The following NAV2 variants were observed in gnomAD, a reference collection of about 807,000 sequenced individuals.
NAV2 encodes helicase, APC down-regulated 1.
In NAV2, 54 loss-of-function variants were observed where a neutral mutation model predicts 223.2. The ratio of observed to expected loss-of-function variants is 0.24; its 90% CI spans 0.19 to 0.30. The LOEUF is 0.30. Ranked by LOEUF, NAV2 falls within the 10% of genes least tolerant of loss-of-function variation. The probability of loss-of-function intolerance (pLI) is 1.00; values close to 1 mark genes in which losing one functional copy is unlikely to be tolerated. For synonymous variants in NAV2, 1,279 were observed against 1,239.3 expected, an observed-to-expected ratio of 1.03 and a Z score of -0.67; for missense variants, 2,806 against 3,147.5, an observed-to-expected ratio of 0.89 and a Z score of 2.60.
At chr11:19,754,501 G>A (rs11608055) in intron 1 of NAV2, among the ~76,000 whole-genome samples, 2 of 152,202 alleles carry the variant, frequency 1.3e-5, no homozygotes, top group East Asian at 3.8e-4. Flanking sequence ...GCATGGTCAG[G>A]AAGGTGAGGG....
intron 1 of NAV2, among the ~76,000 whole-genome samples, chr11:19,521,327 C>A (rs1176477258): frequency 6.6e-6 from 1 of 152,148 alleles, no homozygotes; most frequent in Non-Finnish European, 1.5e-5. Flanking sequence ...AGAGGCCAGT[C>A]CCCAAGTCCT....
chr11:20,095,788 G>A, intron 30 of NAV2, 21 bp downstream of exon 30: 5 of 1,573,906 alleles, frequency 3.2e-6, no homozygotes, highest in South Asian at 1.1e-5. Flanking sequence ...CAAGACAACG[G>A]CTACAGCATA....
At chr11:19,691,224 T>A (rs2049165165) in intron 1 of NAV2, among the ~76,000 whole-genome samples, 2 of 150,678 alleles carry the variant, frequency 1.3e-5, no homozygotes, top group South Asian at 4.3e-4. Context: ...ATGTATGTAG[T>A]TTTCAATGTT....
At chr11:19,461,122 C>T (rs1453873542) in intron 1 of NAV2, among the ~76,000 whole-genome samples, 12 of 152,162 alleles carry the variant, frequency 7.9e-5, no homozygotes, top group Non-Finnish European at 1.8e-4. Flanking sequence ...ATCTGGTCCC[C>T]TTAGTGGAGA....
At chr11:19,926,299 C>G (rs2044744534) in intron 6 of NAV2, among the ~76,000 whole-genome samples, 4 of 152,204 alleles carry the variant, frequency 2.6e-5, no homozygotes, top group South Asian at 2.1e-4. Context: ...GCCCAGCTCG[C>G]TCTCCCTCCA....
intron 9 of NAV2, among the ~76,000 whole-genome samples, chr11:19,948,443 T>C (rs2047111428): frequency 6.6e-6 from 1 of 152,102 alleles, no homozygotes; most frequent in Non-Finnish European, 1.5e-5. Flanking sequence ...TTAATTAAAG[T>C]AATTCGTTTC....
intron 11 of NAV2, among the ~76,000 whole-genome samples, chr11:20,021,441 T>G (rs923643655): frequency 3.9e-5 from 6 of 152,226 alleles, no homozygotes; most frequent in Non-Finnish European, 7.3e-5. Context: ...AGAGCGTGTG[T>G]GTGCATCTGT....
intron 10 of NAV2, among the ~76,000 whole-genome samples, chr11:19,979,400 T>C (rs1375109865): frequency 6.6e-6 from 1 of 152,164 alleles, no homozygotes; most frequent in Admixed American, 6.5e-5. Context: ...GCCCAGTTCC[T>C]AGCTGTGATC....
At chr11:20,046,213 GT>G (rs35544733) in intron 14 of NAV2, among the ~76,000 whole-genome samples, 60,602 of 151,706 alleles carry the variant, frequency 0.4, 12,684 homozygotes, top group Non-Finnish European at 0.48. Context: ...GTATGCACCT[GT>G]AGTCCCAGCT....
At position 20,045,206 on chromosome 11, in the gene NAV2, A is replaced by G. The variant is rs775811527; in HGVS notation, c.3438A>G (p.Ser1146=). 2 of 1,614,170 alleles carry G rather than the reference A, an allele frequency of 1.2e-6. No homozygotes were observed. The highest frequency in any genetic ancestry group is 1.1e-5 in the South Asian group (1 of 91,078). ...GCGGGGTGACTGTCACCAGCAGGTC[A>G]GCCACACTGGGCAAAATCCCAAAGT... ...TASGVTVTSR[S]ATLGKIPKSS... The change falls in exon 14 of 38, where the codon TCA becomes TCG. Residue 1146 remains serine, a synonymous_variant. Coordinates refer to ENST00000349880, the MANE Select transcript of NAV2 (RefSeq NM_145117.5).
chr11:20,093,850 G>C (rs780783986), intron 29 of NAV2, among the ~76,000 whole-genome samples: 3 of 152,140 alleles, frequency 2.0e-5, no homozygotes, highest in Non-Finnish European at 4.4e-5. Flanking sequence ...TTGAATTTTA[G>C]CCAGTGATTA....
At chr11:19,938,275 G>A (rs1287400145) in intron 7 of NAV2, among the ~76,000 whole-genome samples, 3 of 152,268 alleles carry the variant, frequency 2.0e-5, no homozygotes, top group East Asian at 1.9e-4. Context: ...ATGAAAGATC[G>A]TGTGGGGAGT....
intron 1 of NAV2, among the ~76,000 whole-genome samples, chr11:19,736,080 G>T (rs1007693422): frequency 1.6e-4 from 24 of 152,194 alleles, no homozygotes; most frequent in African/African-American, 5.8e-4. Context: ...AGTGAGGTCC[G>T]TGGAGGGTTG....
At chr11:19,796,176 T>A (rs1021500116) in intron 1 of NAV2, among the ~76,000 whole-genome samples, 4 of 152,190 alleles carry the variant, frequency 2.6e-5, no homozygotes, top group Non-Finnish European at 4.4e-5. Context: ...ATACAGGGAA[T>A]TGGATACTTA....
At chr11:19,409,969 C>T (rs899096735) in intron 1 of NAV2, among the ~76,000 whole-genome samples, 17 of 152,112 alleles carry the variant, frequency 1.1e-4, no homozygotes, top group African/African-American at 3.4e-4. Context: ...TGGCCCAACT[C>T]GGGGCTAGGA....
chr11:19,874,366 A>G (rs1446060794), intron 4 of NAV2, among the ~76,000 whole-genome samples: 1 of 152,222 alleles, frequency 6.6e-6, no homozygotes, highest in East Asian at 1.9e-4. Context: ...ACAGGGCTCC[A>G]GGTTGGGTTT....
At chr11:19,969,877 C>T (rs1418432983) in intron 10 of NAV2, among the ~76,000 whole-genome samples, 5 of 151,226 alleles carry the variant, frequency 3.3e-5, no homozygotes, top group African/African-American at 4.9e-5. Context: ...ACCCGGGAGG[C>T]GGAGCTTGCA....
chr11:19,377,425 T>G (rs1365294236), intron 1 of NAV2, among the ~76,000 whole-genome samples: 3 of 152,158 alleles, frequency 2.0e-5, no homozygotes, highest in South Asian at 2.1e-4. Flanking sequence ...CCCAGGCAGA[T>G]TCAGGGGTCC....
chr11:20,038,563 C>T (rs1436404534), intron 12 of NAV2, among the ~76,000 whole-genome samples: 1 of 152,192 alleles, frequency 6.6e-6, no homozygotes, highest in Non-Finnish European at 1.5e-5. Context: ...CCTCATATCA[C>T]GCTGAGGAAT....
Sources: gnomAD v4.1 joint callset for allele counts (sites outside exome capture counted in the v4.1 genomes callset) on GRCh38, gnomAD v4.1.1 for gene constraint, MANE v1.5 for transcripts, NCBI Gene and HGNC (gene_info 2026-07-23, HGNC 2026-07-21) for gene names.